Variants in PMS2 observed in about 807,000 individuals in gnomAD.
PMS2 encodes the protein PMS1 homolog 2, mismatch repair system component, also known as mismatch repair endonuclease PMS2.
A neutral mutation model predicts 90.0 loss-of-function variants in PMS2; 69 were observed. The ratio of observed to expected loss-of-function variants is 0.77; its 90% CI spans 0.63 to 0.94. The LOEUF (loss-of-function observed/expected upper bound fraction) is 0.94. Among genes scored for constraint, PMS2 ranks in the 40% least tolerant of loss-of-function variants. The pLI is 0.00. For missense variants in PMS2, 966 were observed against 1,040.2 expected (o/e 0.93, Z 0.98); for synonymous variants, 332 against 375.1 (o/e 0.89, Z 1.33).
At chr7:5,989,657 T>C (rs1016843729) in intron 10 of PMS2, 143 bp downstream of exon 10, 21 of 610,542 alleles carry the variant, frequency 3.4e-5, no homozygotes, top group African/African-American at 5.6e-5. Flanking sequence ...ACAGAGCAAG[T>C]CCCTGTCTCA....
At chr7:5,999,459 T>C (rs964221257) in intron 5 of PMS2, among the ~76,000 whole-genome samples, 184 bp from the exon 6 acceptor site, 2 of 152,120 alleles carry the variant, frequency 1.3e-5, no homozygotes, top group African/African-American at 4.8e-5. Flanking sequence ...GCAGAGCTTT[T>C]GGCTCCTGGT....
intron 11 of PMS2, among the ~76,000 whole-genome samples, chr7:5,984,360 C>T (rs978950715): frequency 9.2e-5 from 14 of 151,924 alleles, no homozygotes; most frequent in African/African-American, 2.4e-4. Context: ...AACCTTCACA[C>T]GAGAAATTGA....
chr7:5,994,048 T>C (rs1375147876), intron 8 of PMS2, among the ~76,000 whole-genome samples: 4 of 151,880 alleles, frequency 2.6e-5, no homozygotes, highest in Non-Finnish European at 4.4e-5. Flanking sequence ...ATATAATGTA[T>C]ATATGCAGAT....
chr7:5,988,948 C>T (rs193152953), intron 10 of PMS2, among the ~76,000 whole-genome samples: 37 of 152,200 alleles, frequency 2.4e-4, no homozygotes, highest in African/African-American at 7.2e-4. Flanking sequence ...CCCCTCCTCC[C>T]GGGTTCACGC....
chr7:5,984,075 C>T (rs1782595054), intron 11 of PMS2, among the ~76,000 whole-genome samples: 1 of 151,888 alleles, frequency 6.6e-6, no homozygotes, highest in Non-Finnish European at 1.5e-5. Flanking sequence ...CTCAAAGCTG[C>T]AACAAATACT....
At position 5,986,794 on chromosome 7, in the gene PMS2, A is replaced by G. The variant is rs1334809210; in HGVS notation, c.1971T>C (p.Asn657=). ...KFRAKICPGE[N]QAAEDELRKE... The stretch of plus-strand genomic sequence containing the variant: ...TTCTTAGTTCATCTTCGGCTGCTTG[A>G]TTTTCTCCAGGACAAATCTTTGCCC... The change falls in exon 11 of 15, where the codon AAT becomes AAC. Residue 657 remains asparagine, a synonymous_variant. Transcript: ENST00000265849. The G allele has an allele frequency of 6.2e-7, 1 of 1,608,442 alleles. No individual in the cohort carries two copies. Among genetic ancestry groups the G allele is most frequent in the Non-Finnish European group, 8.5e-7 (1 of 1,178,822 alleles).
rs2228007 is a variant in PMS2, at chr7:5,987,234, T to C, written c.1531A>G (p.Thr511Ala). Residue 511 changes from threonine (T) to alanine (A), a missense_variant, in exon 11 of 15, where the codon ACG becomes GCG. By Grantham distance (58) the Thr-to-Ala change is moderately conservative. Transcript: ENST00000265849. The stretch of plus-strand genomic sequence containing the variant: ...TACTCGCTGCTGCAGTGACTGCCCG[T>C]GTCTGGGATGCTGAACCCCTCAGAA... ...VDSEGFSIPDTGSHCSSEYAA... is the reference protein window; with the variant it reads ...VDSEGFSIPDAGSHCSSEYAA... 0.027 allele frequency: 42,976 copies of C among 1,614,066 alleles called. 678 individuals carry two copies. The highest frequency in any genetic ancestry group is 0.029 in the Non-Finnish European group (33,873 of 1,180,010).
At chr7:5,994,525 G>T (rs964011055) in intron 8 of PMS2, among the ~76,000 whole-genome samples, 1 of 152,050 alleles carries the variant, frequency 6.6e-6, no homozygotes, top group South Asian at 2.1e-4. Context: ...TGTAATTCCA[G>T]CACTTTGGGA....
At chr7:5,990,285 G>T (rs1356731623) in intron 9 of PMS2, among the ~76,000 whole-genome samples, 1 of 152,190 alleles carries the variant, frequency 6.6e-6, no homozygotes, top group Non-Finnish European at 1.5e-5. Flanking sequence ...TGGGATTACA[G>T]GCGTGAGCCA....
chr7:5,990,013 T>A (rs2128749523), intron 9 of PMS2, 58 bp from the exon 10 acceptor site: 1 of 1,177,366 alleles, frequency 8.5e-7, no homozygotes, highest in Non-Finnish European at 1.2e-6. Context: ...TTTTATTTAT[T>A]AATTATTATT....
chr7:5,987,045 G>C lies in PMS2; in HGVS notation c.1720C>G (p.Pro574Ala), dbSNP rs758018736. ...TCTTTTTTAAAACGCTTTGTGTTTG[G>C]GGTTGCGAGATTAGTTGGCTGAGGC... ...VLPQPTNLATPNTKRFKKEEI... is the reference protein window; with the variant it reads ...VLPQPTNLATANTKRFKKEEI... The change falls in exon 11 of 15, where the codon CCA (proline) becomes GCA (alanine). Residue 574 changes from proline to alanine, a missense_variant. Pro to Ala is a conservative substitution (Grantham distance 27, BLOSUM62 -1). Coordinates refer to ENST00000265849, the MANE Select transcript of PMS2 (RefSeq NM_000535.7). 3.1e-6 allele frequency: 5 copies of C among 1,614,064 alleles called. No homozygotes were observed. The Admixed American group carries it at 5.0e-5, about 16-fold the overall frequency.
chr7:6,004,522 C>G (rs1481408809), intron 2 of PMS2: 2 of 160,168 alleles, frequency 1.2e-5, no homozygotes, highest in Admixed American at 1.2e-4. Flanking sequence ...TCGAGACCAG[C>G]CTGACCAACA....
intron 14 of PMS2, among the ~76,000 whole-genome samples, chr7:5,976,004 A>G (rs200752516): frequency 0.3 from 38,437 of 127,980 alleles, 4,125 homozygotes; most frequent in African/African-American, 0.39. Flanking sequence ...ACTTTGGGAG[A>G]CCAAGGCGGG....
At chr7:6,004,249 G>C (rs1785455517) in intron 2 of PMS2, 191 bp from the exon 3 acceptor site, 2 of 495,244 alleles carry the variant, frequency 4.0e-6, no homozygotes, top group African/African-American at 4.0e-5. Context: ...AGACTAAATA[G>C]TTTAGCTTTT....
intron 5 of PMS2, among the ~76,000 whole-genome samples, chr7:6,001,669 G>A (rs1048693954): frequency 4.1e-4 from 63 of 151,818 alleles, no homozygotes; most frequent in Non-Finnish European, 8.0e-4. Flanking sequence ...GTGCCTGGCC[G>A]AGAAATATTC....
At position 5,972,269 on chromosome 7, in the gene PMS2, A is replaced by C. The variant is rs1781373401; in HGVS notation, c.*1130T>G. Among the ~76,000 whole-genome samples the C allele has an allele frequency of 1.4e-5, 2 of 142,890 alleles. No individual in the cohort carries two copies. Among genetic ancestry groups the C allele is most frequent in the African/African-American group, 5.2e-5 (2 of 38,214 alleles). 93.7% of individuals were successfully genotyped at this position (142,890 alleles called of 152,430 possible). ...TGCCTCCTCCATCTGAGGGATTCTA[A>C]AGCAGGAAGGGGAGCCGCCCACAGT... On this transcript the variant is annotated 3_prime_UTR_variant, in exon 15 of 15. Coordinates refer to ENST00000265849, the MANE Select transcript of PMS2 (RefSeq NM_000535.7).
chr7:6,005,606 G>C (rs985030679), intron 2 of PMS2, among the ~76,000 whole-genome samples: 1 of 152,130 alleles, frequency 6.6e-6, no homozygotes, highest in Non-Finnish European at 1.5e-5. Context: ...CAAAGGGCTA[G>C]GATTATAGGC....
upstream of PMS2, chr7:6,009,105 C>T: frequency 6.7e-7 from 1 of 1,493,166 alleles, no homozygotes; most frequent in African/African-American, 1.4e-5. Flanking sequence ...CTCCCATTGG[C>T]TGCTTTCGAC....
At chr7:5,997,499 T>A (rs1222752669) in intron 6 of PMS2, 76 bp from the exon 7 acceptor site, 1 of 872,034 alleles carries the variant, frequency 1.1e-6, no homozygotes, top group Admixed American at 2.3e-5. Context: ...TCTTTCTTAG[T>A]CAAGCTATTG....
Sources: gnomAD v4.1 joint callset for allele counts (sites outside exome capture counted in the v4.1 genomes callset) on GRCh38, gnomAD v4.1.1 for gene constraint, MANE v1.5 for transcripts, NCBI Gene and HGNC (gene_info 2026-07-23, HGNC 2026-07-21) for gene names.